CHSY3: variants seen among roughly 807,000 people sequenced by gnomAD.
CHSY3 encodes the protein chondroitin sulfate synthase 3.
A neutral mutation model predicts 67.2 loss-of-function variants in CHSY3; 35 were observed. That is an observed-to-expected ratio of 0.52 (90% confidence interval 0.40 to 0.69). CHSY3 has a LOEUF of 0.69. CHSY3 is among the 30% of genes least tolerant of loss of function. CHSY3 has a pLI of 0.00. For missense variants in CHSY3, 1,069 were observed against 1,138.5 expected, an observed-to-expected ratio of 0.94 and a Z score of 0.88; for synonymous variants, 474 against 434.7, an observed-to-expected ratio of 1.09 and a Z score of -1.12.
At chr5:130,103,003 A>G (rs1767296987) in intron 2 of CHSY3, among the ~76,000 whole-genome samples, 1 of 152,082 alleles carries the variant, frequency 6.6e-6, no homozygotes, top group African/African-American at 2.4e-5. Context: ...AACAAAATAA[A>G]ATGAATCACA....
At chr5:130,027,057 T>G (rs927146775) in intron 2 of CHSY3, among the ~76,000 whole-genome samples, 1 of 152,080 alleles carries the variant, frequency 6.6e-6, no homozygotes, top group Non-Finnish European at 1.5e-5. Flanking sequence ...CTAGGAACAC[T>G]GACTAAATTT....
intron 2 of CHSY3, among the ~76,000 whole-genome samples, chr5:129,985,717 A>G (rs1763179382): frequency 6.6e-6 from 1 of 151,920 alleles, no homozygotes; most frequent in Non-Finnish European, 1.5e-5. Flanking sequence ...GTGTTTTGTA[A>G]TTAGTATTGA....
Position 130,025,001 on chromosome 5 carries a change from G to C in CHSY3, c.1086+116641G>C, listed in dbSNP as rs115115561. 5.1e-3 allele frequency among the ~76,000 whole-genome samples: 782 copies of C among 152,228 alleles called. 4 individuals carry two copies. The highest frequency in any genetic ancestry group is 0.016 in the African/African-American group (663 of 41,564). ...TTGATTCAGCAAATGTTTGATGAGT[G>C]ATTGATTTATGGCATAAGGCAGGTT... On this transcript the variant is annotated intron_variant, in intron 2 of 2. Transcript: ENST00000305031.
Position 130,031,311 on chromosome 5 carries a change from A to T in CHSY3, c.1086+122951A>T, listed in dbSNP as rs944705708. 2.6e-5 allele frequency among the ~76,000 whole-genome samples: 4 copies of T among 152,006 alleles called. No individual in the cohort carries two copies. The East Asian group carries it at 7.7e-4, about 29-fold the overall frequency. ...AATTGTCTTTATTCATCCAAGATAT[A>T]CTTATTTATTTGCTGTTATCTCATA... On this transcript the variant is annotated intron_variant, in intron 2 of 2. Coordinates refer to ENST00000305031, the MANE Select transcript of CHSY3 (RefSeq NM_175856.5).
At position 130,184,285 on chromosome 5, in the gene CHSY3, C is replaced by T. The variant is rs1186746649; in HGVS notation, c.1143C>T (p.Asp381=). 2.5e-6 allele frequency: 4 copies of T among 1,613,264 alleles called. No homozygotes were observed. The highest frequency in any genetic ancestry group is 3.4e-6 in the Non-Finnish European group (4 of 1,179,576). ...YEHNRKGYIQ[D]LHNSKIHAAI... is the part of the protein sequence containing the mutation. ...ACAATCGGAAGGGTTACATCCAAGA[C>T]CTTCACAATAGCAAAATCCATGCAG... Residue 381 remains aspartate, a synonymous_variant, in exon 3 of 3, where the codon GAC becomes GAT. Coordinates refer to ENST00000305031, the MANE Select transcript of CHSY3 (RefSeq NM_175856.5).
chr5:130,095,580 A>G (rs942335805), intron 2 of CHSY3, among the ~76,000 whole-genome samples: 9 of 152,272 alleles, frequency 5.9e-5, no homozygotes, highest in African/African-American at 2.2e-4. Flanking sequence ...AGTGCTTTGC[A>G]GAAGAATTCC....
At chr5:130,178,201 T>TATTTA (rs1770115546) in intron 2 of CHSY3, among the ~76,000 whole-genome samples, 2 of 113,934 alleles carry the variant, frequency 1.8e-5, no homozygotes, top group African/African-American at 3.6e-5. Flanking sequence ...ATATATATAT[T>TATTTA]TATATATATA....
At chr5:130,064,786 A>C (rs1765830685) in intron 2 of CHSY3, among the ~76,000 whole-genome samples, 1 of 152,200 alleles carries the variant, frequency 6.6e-6, no homozygotes, top group Admixed American at 6.6e-5. Context: ...CCATGAGAAA[A>C]GAGAAAGTCT....
At chr5:130,089,645 G>A (rs895397215) in intron 2 of CHSY3, among the ~76,000 whole-genome samples, 3 of 152,134 alleles carry the variant, frequency 2.0e-5, no homozygotes, top group African/African-American at 4.8e-5. Context: ...GGCATTGCCT[G>A]AGAAACATGA....
At chr5:130,130,500 G>T (rs375197605) in intron 2 of CHSY3, among the ~76,000 whole-genome samples, 8 of 152,176 alleles carry the variant, frequency 5.3e-5, no homozygotes, top group East Asian at 1.9e-4. Flanking sequence ...GCCAGAATTA[G>T]GTTTGCAGGA....
chr5:130,160,913 T>A lies in CHSY3; in HGVS notation c.1087-23316T>A, dbSNP rs549812191. Reference sequence around the variant, plus strand: ...TTTATTTATTTTTTTTTTTTTATTTTTTTTTTTTTGAGACGGAGTCTCACT... The same window carrying A: ...TTTATTTATTTTTTTTTTTTTATTTATTTTTTTTTGAGACGGAGTCTCACT... On this transcript the variant is annotated intron_variant, in intron 2 of 2. Coordinates refer to ENST00000305031, the MANE Select transcript of CHSY3 (RefSeq NM_175856.5). Among the ~76,000 whole-genome samples the A allele has an allele frequency of 3.5e-3, 471 of 133,172 alleles. 4 individuals are homozygous for A. Among genetic ancestry groups the A allele is most frequent in the African/African-American group, 0.016 (436 of 27,630 alleles). The allele number at this position is 133,172 out of a possible 152,430, so 87.4% of individuals were successfully genotyped here.
intron 2 of CHSY3, among the ~76,000 whole-genome samples, chr5:129,969,130 G>A (rs1183462652): frequency 6.6e-6 from 1 of 151,786 alleles, no homozygotes; most frequent in East Asian, 1.9e-4. Context: ...TGGGTCAATG[G>A]AAGTAAATTG....
chr5:130,126,293 T>TAA (rs397945420), intron 2 of CHSY3, among the ~76,000 whole-genome samples: 45 of 146,706 alleles, frequency 3.1e-4, no homozygotes, highest in African/African-American at 1.0e-3. Context: ...TAGGCTGAGT[T>TAA]AAAAAAAAAA....
chr5:130,005,066 G>A (rs190012048), intron 2 of CHSY3, among the ~76,000 whole-genome samples: 28 of 152,078 alleles, frequency 1.8e-4, no homozygotes, highest in Admixed American at 1.7e-3. Context: ...AAAGTTTTTC[G>A]AGATACTATA....
At chr5:130,005,308 G>A (rs1416588258) in intron 2 of CHSY3, among the ~76,000 whole-genome samples, 6 of 151,958 alleles carry the variant, frequency 3.9e-5, no homozygotes, top group Non-Finnish European at 7.4e-5. Context: ...CCAGCTACTC[G>A]GGAGGCTGAG....
chr5:130,061,592 G>T (rs1020766182), intron 2 of CHSY3, among the ~76,000 whole-genome samples: 3 of 152,040 alleles, frequency 2.0e-5, no homozygotes, highest in African/African-American at 4.8e-5. Flanking sequence ...CACAGCAAAA[G>T]AAATAATCAA....
chr5:129,966,056 C>G (rs1762460500), intron 2 of CHSY3, among the ~76,000 whole-genome samples: 2 of 151,826 alleles, frequency 1.3e-5, no homozygotes, highest in African/African-American at 4.8e-5. Flanking sequence ...TGACAACATG[C>G]TTTATTCCAG....
intron 2 of CHSY3, among the ~76,000 whole-genome samples, chr5:130,119,082 A>G (rs920112979): frequency 8.5e-5 from 13 of 152,140 alleles, no homozygotes; most frequent in Non-Finnish European, 1.6e-4. Flanking sequence ...AAGTTGAGGA[A>G]ATGTGGTCAT....
chr5:130,048,995 A>G (rs1017175922), intron 2 of CHSY3, among the ~76,000 whole-genome samples: 2 of 152,064 alleles, frequency 1.3e-5, no homozygotes, highest in Admixed American at 6.6e-5. Context: ...CACCACACAC[A>G]CAGACACACA....
Sources: allele counts gnomAD v4.1 joint callset (sites outside exome capture counted in the v4.1 genomes callset), GRCh38; gene constraint gnomAD v4.1.1; transcripts MANE v1.5; gene names NCBI Gene and HGNC (gene_info 2026-07-23, HGNC 2026-07-21).